ZNF423: variants seen among roughly 807,000 people sequenced by gnomAD.
The protein encoded by ZNF423 is Ebf-associated zinc finger protein.
ZNF423 carries 12 observed loss-of-function variants against 95.8 expected under a neutral mutation model. The observed-to-expected ratio is 0.13, with a 90% CI of 0.08 to 0.20. The LOEUF is 0.20. Ranked by LOEUF, ZNF423 falls within the 10% of genes least tolerant of loss-of-function variation. The pLI, the probability that ZNF423 is intolerant of heterozygous loss-of-function variation, is 1.00. For synonymous variants in ZNF423, 749 were observed against 711.9 expected (o/e 1.05, Z -0.83); for missense variants, 1,316 against 1,737.1 (o/e 0.76, Z 4.31).
chr16:49,677,340 GGGGA>G (rs2031146250), intron 3 of ZNF423, among the ~76,000 whole-genome samples: 2 of 34,198 alleles, frequency 5.8e-5, no homozygotes, highest in African/African-American at 1.1e-4. Context: ...GGGGAGGGGA[GGGGA>G]GGAGGGGAGG....
intron 5 of ZNF423, among the ~76,000 whole-genome samples, chr16:49,530,786 C>T (rs950591549): frequency 5.3e-5 from 8 of 152,132 alleles, no homozygotes; most frequent in Non-Finnish European, 8.8e-5. Context: ...GAGGAAGGGA[C>T]GCTTAGAGAG....
At chr16:49,711,468 A>G (rs2032541848) in intron 3 of ZNF423, 1 of 152,260 alleles carries the variant, frequency 6.6e-6, no homozygotes, top group South Asian at 2.1e-4. Flanking sequence ...CCAATATGGT[A>G]TCATTCATTT....
In ZNF423 at chr16:49,627,514, A is replaced by G. The variant is rs1021236909; in HGVS notation, c.3517-1260T>C. On this transcript the variant is annotated intron_variant, in intron 4 of 7. Coordinates refer to ENST00000563137, the MANE Select transcript of ZNF423 (RefSeq NM_001379286.1). Reference sequence around the variant, plus strand: ...TGTCTATATACATACCCACCCATCCACCCATCAATCCATCCTCCATCTACC... The same window carrying G: ...TGTCTATATACATACCCACCCATCCGCCCATCAATCCATCCTCCATCTACC... Among the ~76,000 whole-genome samples, 25 of 125,948 alleles carry G rather than the reference A, an allele frequency of 2.0e-4. 1 individual carries two copies. Among genetic ancestry groups the G allele is most frequent in the Admixed American group, 1.7e-3 (21 of 12,492 alleles). The allele number at this position is 125,948 out of a possible 152,430, so 82.6% of individuals were successfully genotyped here.
chr16:49,500,431 G>A (rs1037091000), intron 7 of ZNF423, among the ~76,000 whole-genome samples: 7 of 152,182 alleles, frequency 4.6e-5, no homozygotes, highest in African/African-American at 1.4e-4. Context: ...CAGCCTGCTT[G>A]AAACCAGGCC....
rs545769847 is a variant in ZNF423 at position 49,815,617 on chromosome 16, C to T, written c.41-26071G>A. Among the ~76,000 whole-genome samples, 15 of 151,946 alleles carry T rather than the reference C, an allele frequency of 9.9e-5. No individual in the cohort carries two copies. The South Asian group carries it at 2.7e-3, about 27-fold the overall frequency. ...AGCACTGCCCAGCTCTTTCAATCCT[C>T]GGAGTACTGGCAACCTTGAGGCCTT... On this transcript the variant is annotated intron_variant, in intron 1 of 7. Transcript: ENST00000563137.
In ZNF423 at chr16:49,778,927, A is replaced by G. The variant is rs1314888347; in HGVS notation, c.100+10560T>C. 5.9e-5 allele frequency among the ~76,000 whole-genome samples: 9 copies of G among 152,296 alleles called. No homozygotes were observed. The East Asian group carries it at 1.7e-3, about 30-fold the overall frequency. On this transcript the variant is annotated intron_variant, in intron 2 of 7. Coordinates refer to ENST00000563137, the MANE Select transcript of ZNF423 (RefSeq NM_001379286.1). ...TCCTCACAATGGCCTTAGGAAGTAG[A>G]ATTATTATTCTCCCCATTTCCGATG...
intron 5 of ZNF423, among the ~76,000 whole-genome samples, chr16:49,558,491 C>A (rs1277422827): frequency 1.3e-5 from 2 of 152,194 alleles, no homozygotes; most frequent in African/African-American, 2.4e-5. Context: ...GGAGTAGGCC[C>A]AGAAGTGGCT....
At chr16:49,713,208 C>G (rs555752175) in intron 3 of ZNF423, among the ~76,000 whole-genome samples, 22 of 152,262 alleles carry the variant, frequency 1.4e-4, no homozygotes, top group African/African-American at 5.1e-4. Flanking sequence ...GCCTCAGGGT[C>G]CAGGAGAAAC....
At chr16:49,690,913 G>A (rs2031754696) in intron 3 of ZNF423, among the ~76,000 whole-genome samples, 1 of 152,220 alleles carries the variant, frequency 6.6e-6, no homozygotes, top group East Asian at 1.9e-4. Context: ...GGAGGTCGGT[G>A]AGCAAACTAA....
chr16:49,579,521 G>A (rs764821980), intron 5 of ZNF423, among the ~76,000 whole-genome samples: 10 of 152,144 alleles, frequency 6.6e-5, no homozygotes, highest in Non-Finnish European at 1.0e-4. Context: ...AGACCGTGGG[G>A]AGCTTGGGAG....
chr16:49,797,085 C>A (rs2034510496), intron 1 of ZNF423, among the ~76,000 whole-genome samples: 1 of 152,106 alleles, frequency 6.6e-6, no homozygotes, highest in African/African-American at 2.4e-5. Flanking sequence ...CCCTCCTTAG[C>A]TCAACCTTAG....
rs1197083585 is a variant in ZNF423, at chr16:49,492,806, C to A, written c.3850-1502G>T. 6.6e-6 allele frequency among the ~76,000 whole-genome samples: 1 copy of A among 152,184 alleles called. No individual in the cohort carries two copies. The highest frequency in any genetic ancestry group is 1.9e-4 in the East Asian group (1 of 5,178). ...GAGGTGGGACTTCTTAAGATGAAGA[C>A]ACCGAGGCCTAGGAAGGCAAAAATT... is the stretch of plus-strand genomic sequence containing the variant. On this transcript the variant is annotated intron_variant, in intron 7 of 7. Coordinates refer to ENST00000563137, the MANE Select transcript of ZNF423 (RefSeq NM_001379286.1). This position sits in a 1 kb window ranked among gnomAD's most constrained non-coding sequence, Gnocchi z 4.2.
intron 3 of ZNF423, among the ~76,000 whole-genome samples, chr16:49,726,418 C>T (rs762166059): frequency 6.6e-6 from 1 of 152,134 alleles, no homozygotes; most frequent in South Asian, 2.1e-4. Flanking sequence ...TTCTATGGTA[C>T]CCCAGGCAGT....
chr16:49,542,685 TTGTC>T (rs1287559097), intron 5 of ZNF423, among the ~76,000 whole-genome samples: 2 of 152,144 alleles, frequency 1.3e-5, no homozygotes, highest in East Asian at 1.9e-4. Context: ...AACAACCACT[TTGTC>T]TGGCTGGGTG....
chr16:49,767,898 G>C (rs750041931), intron 2 of ZNF423, among the ~76,000 whole-genome samples: 1 of 152,214 alleles, frequency 6.6e-6, no homozygotes, highest in African/African-American at 2.4e-5. Flanking sequence ...CCAGGCTTAC[G>C]TCGGGTCCTC....
chr16:49,560,689 A>C (rs1567468468), intron 5 of ZNF423, among the ~76,000 whole-genome samples: 1 of 152,154 alleles, frequency 6.6e-6, no homozygotes, highest in Non-Finnish European at 1.5e-5. Flanking sequence ...AACTCTTTTC[A>C]TGTATATTCC....
At chr16:49,632,492 C>A (rs1972538981) in intron 4 of ZNF423, among the ~76,000 whole-genome samples, 1 of 152,096 alleles carries the variant, frequency 6.6e-6, no homozygotes, top group Admixed American at 6.5e-5. Flanking sequence ...TGGCCCATCT[C>A]CCCAGGCCTC....
At chr16:49,575,412 T>A (rs1460855691) in intron 5 of ZNF423, among the ~76,000 whole-genome samples, 1 of 152,108 alleles carries the variant, frequency 6.6e-6, no homozygotes, top group Non-Finnish European at 1.5e-5. Context: ...CAGTTTCCCC[T>A]CCTACTTGCC....
chr16:49,722,588 T>C (rs2032897509), intron 3 of ZNF423, among the ~76,000 whole-genome samples: 1 of 152,234 alleles, frequency 6.6e-6, no homozygotes, highest in Non-Finnish European at 1.5e-5. Context: ...CTTCTGATTA[T>C]ACATTAATTG....
Sources: allele counts gnomAD v4.1 joint callset (sites outside exome capture counted in the v4.1 genomes callset), GRCh38; gene constraint gnomAD v4.1.1; non-coding constraint Gnocchi (gnomAD v3.1); transcripts MANE v1.5; gene names NCBI Gene and HGNC (gene_info 2026-07-23, HGNC 2026-07-21).